Variants in SOX5 observed in about 807,000 individuals in gnomAD.
SOX5 encodes the protein SRY-box transcription factor 5, also known as transcription factor SOX-5.
SOX5 carries 9 observed loss-of-function variants against 92.0 expected under a neutral mutation model. The observed-to-expected ratio is 0.10, with a 90% confidence interval of 0.06 to 0.17. The LOEUF is 0.17. SOX5 is among the 10% of genes least tolerant of loss of function. The probability of loss-of-function intolerance (pLI) is 1.00; values close to 1 mark genes in which losing one functional copy is unlikely to be tolerated. For synonymous variants in SOX5, 344 were observed against 336.3 expected (o/e 1.02, Z -0.25); for missense variants, 642 against 944.5 (o/e 0.68, Z 4.20).
intron 2 of SOX5, among the ~76,000 whole-genome samples, chr12:23,868,501 CT>C (rs954562133): frequency 6.6e-6 from 1 of 152,094 alleles, no homozygotes; most frequent in Non-Finnish European, 1.5e-5. Flanking sequence ...TTTCCATTCA[CT>C]TTTGCTCGTG....
chr12:24,022,300 G>C (rs1376263842), intron 4 of SOX5, among the ~76,000 whole-genome samples: 2 of 152,104 alleles, frequency 1.3e-5, no homozygotes, highest in African/African-American at 4.8e-5. Context: ...AAGAGGCAGA[G>C]CCTCTTGTCT....
intron 2 of SOX5, among the ~76,000 whole-genome samples, chr12:24,342,962 G>A (rs4963752): frequency 0.27 from 41,339 of 152,086 alleles, 6,913 homozygotes; most frequent in Non-Finnish European, 0.38. Context: ...CAAGTATGTC[G>A]CTAAATACTT....
At chr12:23,960,498 CATATATATTTATATACAT>C (rs1402298129) in intron 4 of SOX5, among the ~76,000 whole-genome samples, 1 of 131,792 alleles carries the variant, frequency 7.6e-6, no homozygotes, top group African/African-American at 2.7e-5. Flanking sequence ...TATTTATATA[CATATATATTTATATACAT>C]ATATATATAT....
At chr12:24,368,211 C>T (rs1294241269) in intron 2 of SOX5, 1 of 152,074 alleles carries the variant, frequency 6.6e-6, no homozygotes, top group Non-Finnish European at 1.5e-5. Context: ...AAGAAATGTA[C>T]ATTGTTGCTA....
At chr12:24,209,484 T>G (rs544917797) in intron 4 of SOX5, among the ~76,000 whole-genome samples, 92 of 152,300 alleles carry the variant, frequency 6.0e-4, no homozygotes, top group African/African-American at 2.1e-3. Context: ...TATGTATGTA[T>G]TTTTGTTGCA....
chr12:24,054,563 C>T (rs942032705), intron 4 of SOX5, among the ~76,000 whole-genome samples: 1 of 152,176 alleles, frequency 6.6e-6, no homozygotes, highest in African/African-American at 2.4e-5. Flanking sequence ...ATAAATCTCC[C>T]TGACACAGGC....
At chr12:23,815,449 A>G (rs2142533415) in intron 3 of SOX5, among the ~76,000 whole-genome samples, 1 of 152,324 alleles carries the variant, frequency 6.6e-6, no homozygotes, top group South Asian at 2.1e-4. Flanking sequence ...AACACCAATA[A>G]TAAAACTGAT....
chr12:24,476,910 C>T (rs1945442955), intron 1 of SOX5, among the ~76,000 whole-genome samples: 1 of 145,130 alleles, frequency 6.9e-6, no homozygotes, highest in Non-Finnish European at 1.5e-5. Context: ...CACCTGTAAT[C>T]GAAGCACTTT....
At chr12:24,033,987 C>A (rs184779440) in intron 4 of SOX5, among the ~76,000 whole-genome samples, 2 of 152,118 alleles carry the variant, frequency 1.3e-5, no homozygotes, top group Admixed American at 6.6e-5. Flanking sequence ...TAATCAAAGT[C>A]TGTAAGTCCA....
intron 4 of SOX5, among the ~76,000 whole-genome samples, chr12:23,994,934 A>G (rs1411730677): frequency 6.6e-6 from 1 of 152,188 alleles, no homozygotes; most frequent in Non-Finnish European, 1.5e-5. Flanking sequence ...TTGGATCACA[A>G]AGCGACATAA....
At chr12:24,244,806 C>T (rs1056510831) in intron 3 of SOX5, among the ~76,000 whole-genome samples, 1 of 152,214 alleles carries the variant, frequency 6.6e-6, no homozygotes, top group Admixed American at 6.5e-5. Context: ...AATTCTCCTG[C>T]CTCAGCCTCC....
intron 4 of SOX5, among the ~76,000 whole-genome samples, chr12:24,099,089 G>T (rs573494534): frequency 6.6e-6 from 1 of 152,098 alleles, no homozygotes; most frequent in Non-Finnish European, 1.5e-5. Flanking sequence ...TCTGGCTAGG[G>T]TCTTATTCCA....
At chr12:23,636,176 A>C (rs2079206401) in intron 8 of SOX5, among the ~76,000 whole-genome samples, 1 of 152,218 alleles carries the variant, frequency 6.6e-6, no homozygotes. Flanking sequence ...ATATTAAAAT[A>C]ATAAATGGTG....
chr12:23,943,879 G>C lies in SOX5; in HGVS notation c.38+5685C>G, dbSNP rs938809376. ...GTAATAGATTAATTACTTTCAAGCT[G>C]GGTGACAAAAGGGCATAATGACCGG... is the stretch of plus-strand genomic sequence containing the variant. On this transcript the variant is annotated intron_variant, in intron 1 of 14. Transcript: ENST00000451604. 2.6e-5 allele frequency among the ~76,000 whole-genome samples: 4 copies of C among 151,978 alleles called. No homozygotes were observed. In the South Asian group the frequency reaches 8.3e-4, roughly 31 times the overall value.
chr12:23,880,635 G>C (rs2096978044), intron 2 of SOX5, among the ~76,000 whole-genome samples: 1 of 152,008 alleles, frequency 6.6e-6, no homozygotes, highest in African/African-American at 2.4e-5. Flanking sequence ...GTAGCACCTG[G>C]TAAACTTTGG....
chr12:24,012,755 G>C (rs1383183473), intron 4 of SOX5, among the ~76,000 whole-genome samples: 1 of 152,114 alleles, frequency 6.6e-6, no homozygotes, highest in Non-Finnish European at 1.5e-5. Context: ...TTTTAGGGCA[G>C]AATATTAGAG....
intron 1 of SOX5, among the ~76,000 whole-genome samples, chr12:24,414,598 G>A (rs1445132642): frequency 6.6e-6 from 1 of 152,174 alleles, no homozygotes; most frequent in Non-Finnish European, 1.5e-5. Flanking sequence ...CCATCTGCCT[G>A]CCTCTCACCC....
chr12:23,549,044 A>T (rs1435466612), intron 11 of SOX5, among the ~76,000 whole-genome samples: 1 of 152,004 alleles, frequency 6.6e-6, no homozygotes, highest in Non-Finnish European at 1.5e-5. Flanking sequence ...ATCATGTATA[A>T]AGCTCAACCA....
intron 3 of SOX5, among the ~76,000 whole-genome samples, chr12:23,837,859 T>G (rs867323028): frequency 4.2e-4 from 41 of 97,014 alleles, no homozygotes; most frequent in African/African-American, 1.9e-3. Flanking sequence ...ATTTATATAA[T>G]ATATAAGATA....
Sources: gnomAD v4.1 joint callset for allele counts (sites outside exome capture counted in the v4.1 genomes callset) on GRCh38, gnomAD v4.1.1 for gene constraint, MANE v1.5 for transcripts, NCBI Gene and HGNC (gene_info 2026-07-23, HGNC 2026-07-21) for gene names.